SEMA4D: variants seen among roughly 807,000 people sequenced by gnomAD.
SEMA4D encodes semaphorin-4D.
SEMA4D carries 22 observed loss-of-function variants against 74.8 expected under a neutral mutation model. That is an observed-to-expected ratio of 0.29 (90% CI 0.21 to 0.42). The LOEUF (loss-of-function observed/expected upper bound fraction) is 0.42. SEMA4D is among the 10% of genes least tolerant of loss of function. The probability of loss-of-function intolerance (pLI) is 1.00; values close to 1 mark genes in which losing one functional copy is unlikely to be tolerated. For synonymous variants in SEMA4D, 445 were observed against 463.7 expected, an observed-to-expected ratio of 0.96 and a Z score of 0.52; for missense variants, 937 against 1,118.4, an observed-to-expected ratio of 0.84 and a Z score of 2.31.
chr9:89,396,475 C>T (rs1484873528), intron 6 of SEMA4D, among the ~76,000 whole-genome samples: 4 of 152,222 alleles, frequency 2.6e-5, no homozygotes, highest in Admixed American at 6.5e-5. Context: ...CAAGGGCTCC[C>T]AGCACCTTGA....
downstream of SEMA4D, among the ~76,000 whole-genome samples, chr9:89,373,133 C>CAA (rs763111746): frequency 6.6e-6 from 1 of 152,136 alleles, no homozygotes; most frequent in African/African-American, 2.4e-5. Flanking sequence ...CACCAGGCCT[C>CAA]AAGCTCTCGC....
At chr9:89,477,863 T>C (rs1862159595) in intron 1 of SEMA4D, among the ~76,000 whole-genome samples, 1 of 152,196 alleles carries the variant, frequency 6.6e-6, no homozygotes, top group South Asian at 2.1e-4. Flanking sequence ...AGTATTCTTG[T>C]AGAAACACTC....
At chr9:89,417,670 T>C (rs1845998295) in intron 2 of SEMA4D, among the ~76,000 whole-genome samples, 1 of 152,190 alleles carries the variant, frequency 6.6e-6, no homozygotes, top group African/African-American at 2.4e-5. Context: ...GCCCTCTTAT[T>C]ACACCACACC....
At chr9:89,372,085 G>T (rs1173975763) in intron 16 of SEMA4D, among the ~76,000 whole-genome samples, 1 of 63,058 alleles carries the variant, frequency 1.6e-5, no homozygotes, top group African/African-American at 8.0e-5. Context: ...TGTGTGTCGG[G>T]TGTGTGTGTG....
intron 4 of SEMA4D, among the ~76,000 whole-genome samples, chr9:89,400,977 C>T (rs541893670): frequency 3.3e-5 from 5 of 152,198 alleles, no homozygotes; most frequent in Non-Finnish European, 5.9e-5. Context: ...GAGAATTTAA[C>T]AGACACGCGA....
intron 2 of SEMA4D, among the ~76,000 whole-genome samples, chr9:89,447,798 A>G (rs1853329692): frequency 3.5e-5 from 5 of 141,562 alleles, no homozygotes. Context: ...CCACCACTTC[A>G]GTGCTCCCTG....
intron 2 of SEMA4D, among the ~76,000 whole-genome samples, chr9:89,409,107 A>T (rs1053767355): frequency 6.6e-6 from 1 of 152,192 alleles, no homozygotes; most frequent in African/African-American, 2.4e-5. Flanking sequence ...AAAAATAAAT[A>T]AGCCATTAGG....
intron 1 of SEMA4D, among the ~76,000 whole-genome samples, chr9:89,466,948 A>C (rs1238938403): frequency 6.6e-6 from 1 of 152,220 alleles, no homozygotes; most frequent in East Asian, 1.9e-4. Context: ...AGGCCCAAAA[A>C]GGGCCCTGTT....
chr9:89,445,781 G>A (rs922395460), intron 2 of SEMA4D, among the ~76,000 whole-genome samples: 4 of 152,100 alleles, frequency 2.6e-5, no homozygotes, highest in African/African-American at 9.7e-5. Flanking sequence ...GATTGGGTGA[G>A]GCCAACTCAC....
At chr9:89,487,927 T>C (rs1825317405) in intron 1 of SEMA4D, among the ~76,000 whole-genome samples, 1 of 152,204 alleles carries the variant, frequency 6.6e-6, no homozygotes, top group Non-Finnish European at 1.5e-5. Flanking sequence ...TTTTCCCAAA[T>C]TGATCTAAGG....
chr9:89,365,591 G>T (rs1380384068), intron 16 of SEMA4D: 1 of 152,192 alleles, frequency 6.6e-6, no homozygotes, highest in Admixed American at 6.5e-5. Context: ...ATGAAGTGTG[G>T]CTTCATGGAG....
intron 2 of SEMA4D, among the ~76,000 whole-genome samples, chr9:89,437,937 A>G (rs1850816306): frequency 6.6e-6 from 1 of 152,224 alleles, no homozygotes. Flanking sequence ...CAACCTGCTA[A>G]CATGCACAGT....
At chr9:89,364,089 G>A in intron 16 of SEMA4D, 1 of 1,545,548 alleles carries the variant, frequency 6.5e-7, no homozygotes, top group East Asian at 2.3e-5. Flanking sequence ...TCAGTCCCTG[G>A]GACTGCCCTG....
chr9:89,370,734 GGT>G (rs1292174042), intron 16 of SEMA4D, among the ~76,000 whole-genome samples: 6 of 149,292 alleles, frequency 4.0e-5, no homozygotes, highest in Non-Finnish European at 7.5e-5. Flanking sequence ...TGTGGGGTGT[GGT>G]GTGTGTGTGG....
chr9:89,416,325 G>A (rs1404812273), intron 2 of SEMA4D, among the ~76,000 whole-genome samples: 1 of 152,210 alleles, frequency 6.6e-6, no homozygotes, highest in Admixed American at 6.5e-5. Context: ...AGTAAAATGT[G>A]CAACCAAAGG....
In SEMA4D at chr9:89,498,096, G is replaced by GGCGCGGGGACGGAGT. The variant is rs1564026761; in HGVS notation, c.-502_-488dup. 2 of 149,524 alleles carry GGCGCGGGGACGGAGT rather than the reference G, an allele frequency of 1.3e-5. No individual in the cohort carries two copies. Among genetic ancestry groups the GGCGCGGGGACGGAGT allele is most frequent in the African/African-American group, 2.4e-5 (1 of 41,004 alleles). The allele number at this position is 149,524 out of a possible 1,614,324, so 9.3% of individuals were successfully genotyped here. ...TGCGGCGCGCGAGAGCGCTGAGGCC[G>GGCGCGGGGACGGAGT]GCGCGGGGACGGAGTGCGCGGGGCG... On this transcript the variant is annotated 5_prime_UTR_variant, in exon 1 of 16. Coordinates refer to ENST00000422704, the MANE Select transcript of SEMA4D (RefSeq NM_001371194.2).
At chr9:89,403,132 A>T in intron 3 of SEMA4D, 116 bp from the exon 4 acceptor site, 1 of 1,251,414 alleles carries the variant, frequency 8.0e-7, no homozygotes, top group Non-Finnish European at 1.1e-6. Flanking sequence ...GTCTGGGTGC[A>T]GTCATGTCTC....
chr9:89,424,910 T>A (rs1276695783), intron 2 of SEMA4D, among the ~76,000 whole-genome samples: 1 of 152,066 alleles, frequency 6.6e-6, no homozygotes. Flanking sequence ...ATCACACTAT[T>A]CTCTTGCTCC....
intron 2 of SEMA4D, among the ~76,000 whole-genome samples, chr9:89,429,694 A>C (rs1848841373): frequency 6.6e-6 from 1 of 152,176 alleles, no homozygotes; most frequent in African/African-American, 2.4e-5. Flanking sequence ...ACAGTGGCCG[A>C]GGGACGTACC....
Sources: gnomAD v4.1 joint callset for allele counts (sites outside exome capture counted in the v4.1 genomes callset) on GRCh38, gnomAD v4.1.1 for gene constraint, MANE v1.5 for transcripts, NCBI Gene and HGNC (gene_info 2026-07-23, HGNC 2026-07-21) for gene names.